Variants in RPL3L observed in about 807,000 individuals in gnomAD.
RPL3L encodes ribosomal protein uL3-like.
RPL3L carries 44 observed loss-of-function variants against 44.5 expected under a neutral mutation model. The ratio of observed to expected loss-of-function variants is 0.99; its 90% CI spans 0.78 to 1.27. The LOEUF (loss-of-function observed/expected upper bound fraction) is 1.27, where lower values mean the gene tolerates loss of function less well. Among genes scored for constraint, RPL3L ranks in the 50% most tolerant of loss-of-function variants. RPL3L has a pLI of 0.00. For missense variants in RPL3L, 631 were observed against 569.1 expected (o/e 1.11, Z -1.11); for synonymous variants, 292 against 230.7 (o/e 1.27, Z -2.41).
At chr16:1,953,368 C>G (rs1349658609) in intron 2 of RPL3L, among the ~76,000 whole-genome samples, 1 of 152,228 alleles carries the variant, frequency 6.6e-6, no homozygotes, top group African/African-American at 2.4e-5. Context: ...TACAGGCACT[C>G]GCCACAACGC....
Position 1,947,240 on chromosome 16 carries a change from A to ACTC in RPL3L, c.639_641dup (p.Gln213_Ser214insArg), listed in dbSNP as rs757990327. Reference sequence around the variant, plus strand: ...TGACAGCAATGACATCAATGACCTCACTCTGGCTGAACACGCTGTGCACGG... The same window carrying ACTC: ...TGACAGCAATGACATCAATGACCTCACTCCTCTGGCTGAACACGCTGTGCACGG... On this transcript the variant is annotated inframe_insertion, in exon 5 of 10. Transcript: ENST00000268661. The ACTC allele has an allele frequency of 1.9e-6, 3 of 1,612,306 alleles. No individual in the cohort carries two copies. Among genetic ancestry groups the ACTC allele is most frequent in the Non-Finnish European group, 2.5e-6 (3 of 1,179,336 alleles).
In RPL3L at chr16:1,945,938, G is replaced by A. The variant is rs2083118076; in HGVS notation, c.952-8C>T. 3 of 1,606,200 alleles carry A rather than the reference G, an allele frequency of 1.9e-6. No homozygotes were observed. The highest frequency in any genetic ancestry group is 2.6e-6 in the Non-Finnish European group (3 of 1,176,180). On this transcript the variant is annotated splice_polypyrimidine_tract_variant and splice_region_variant and intron_variant, in intron 7 of 9. Coordinates refer to ENST00000268661, the MANE Select transcript of RPL3L (RefSeq NM_005061.3). Reference sequence around the variant, plus strand: ...GTAGTGGGGGAAGCCACCCTGCAGAGGACACAGGTCAGAGGCCAGGCCCGG... The same window carrying A: ...GTAGTGGGGGAAGCCACCCTGCAGAAGACACAGGTCAGAGGCCAGGCCCGG...
Position 1,953,110 on chromosome 16 carries a change from G to A in RPL3L, c.197-68C>T. ...AGGCCTGTGGGGGAGGGAGTGGAGA[G>A]CCGCCCACATAGGGGCAGGACAGGA... On this transcript the variant is annotated intron_variant, in intron 2 of 9. Transcript: ENST00000268661. The A allele has an allele frequency of 5.3e-6, 8 of 1,508,444 alleles. No individual in the cohort carries two copies. The East Asian group carries it at 1.6e-4, about 30-fold the overall frequency. The allele number at this position is 1,508,444 out of a possible 1,614,324, so 93.4% of individuals were successfully genotyped here.
Position 1,947,012 on chromosome 16 carries a change from G to A in RPL3L, c.775C>T (p.Pro259Ser), listed in dbSNP as rs772598970. 1.2e-6 allele frequency: 2 copies of A among 1,612,198 alleles called. No homozygotes were observed. Among genetic ancestry groups the A allele is most frequent in the South Asian group, 2.2e-5 (2 of 91,052 alleles). ...GCAATGGAGCAGCCCACGCGGGCGG[G>A]GTGCCAGGCGCCAATGCAGGCCACC... ...RKVACIGAWH[P>S]ARVGCSIARA... The change falls in exon 6 of 10, where the codon CCC becomes TCC. Residue 259 changes from proline to serine, a missense_variant. Coordinates refer to ENST00000268661, the MANE Select transcript of RPL3L (RefSeq NM_005061.3).
rs1273521403 is a variant in RPL3L at position 1,945,479 on chromosome 16, G to A, written c.1167+20C>T. 6 of 1,599,560 alleles carry A rather than the reference G, an allele frequency of 3.8e-6. No homozygotes were observed. The South Asian group carries it at 4.5e-5, about 12-fold the overall frequency. ...AGCTGGAGCCCCAGAGAAGAACAAG[G>A]ATGGGGGCGGTGAGCTCACCATGAA... On this transcript the variant is annotated intron_variant, in intron 9 of 9. Transcript: ENST00000268661.
In RPL3L at chr16:1,948,829, C is replaced by T. The variant is rs376508707; in HGVS notation, c.502-1449G>A. On this transcript the variant is annotated intron_variant, in intron 4 of 9. Coordinates refer to ENST00000268661, the MANE Select transcript of RPL3L (RefSeq NM_005061.3). Reference sequence around the variant, plus strand: ...CTCCTGGGTTCACGCCATTCTCCTACCTCAGCCTCCCGAGTAGCTGGGACT... The same window carrying T: ...CTCCTGGGTTCACGCCATTCTCCTATCTCAGCCTCCCGAGTAGCTGGGACT... Among the ~76,000 whole-genome samples, 80 of 152,204 alleles carry T rather than the reference C, an allele frequency of 5.3e-4. No homozygotes were observed. The South Asian group carries it at 0.016, about 31-fold the overall frequency.
Position 1,950,885 on chromosome 16 carries a change from T to C in RPL3L, c.460A>G (p.Lys154Glu). Residue 154 changes from lysine (K) to glutamate (E), a missense_variant, in exon 4 of 10, where the codon AAG becomes GAG. Coordinates refer to ENST00000268661, the MANE Select transcript of RPL3L (RefSeq NM_005061.3). ...KQLQKDFAAM[K>E]KYCKVIRVIV... is the part of the protein sequence containing the mutation. Reference sequence around the variant, plus strand: ...ACCCGAATGACCTTGCAGTACTTCTTCATGGCGGCGAAGTCCTTCTGTAGC... The same window carrying C: ...ACCCGAATGACCTTGCAGTACTTCTCCATGGCGGCGAAGTCCTTCTGTAGC... 6.2e-7 allele frequency: 1 copy of C among 1,614,064 alleles called. No homozygotes were observed. Among genetic ancestry groups the C allele is most frequent in the Non-Finnish European group, 8.5e-7 (1 of 1,179,968 alleles).
chr16:1,948,816 C>T (rs184642376), intron 4 of RPL3L, among the ~76,000 whole-genome samples: 9 of 151,766 alleles, frequency 5.9e-5, no homozygotes, highest in African/African-American at 1.2e-4. Flanking sequence ...CCTGGGTTCA[C>T]GCCATTCTCC....
chr16:1,948,380 T>G (rs1349665454), intron 4 of RPL3L, among the ~76,000 whole-genome samples: 1 of 151,880 alleles, frequency 6.6e-6, no homozygotes, highest in African/African-American at 2.4e-5. Context: ...TGTGCCACCA[T>G]GCCCGGCTAA....
chr16:1,950,786 C>A, intron 4 of RPL3L, 58 bp downstream of exon 4: 1 of 1,611,478 alleles, frequency 6.2e-7, no homozygotes, highest in Middle Eastern at 1.7e-4. Flanking sequence ...CTCCTGGAAG[C>A]TGGGGTGAGG....
intron 9 of RPL3L, 82 bp downstream of exon 9, chr16:1,945,417 C>A (rs2083113632): frequency 6.6e-7 from 1 of 1,519,126 alleles, no homozygotes; most frequent in Non-Finnish European, 8.9e-7. Context: ...GGAGTCCCTG[C>A]CAGCTCCAGC....
chr16:1,946,037 C>T, intron 7 of RPL3L, 107 bp from the exon 8 acceptor site: 1 of 915,662 alleles, frequency 1.1e-6, no homozygotes, highest in South Asian at 1.6e-5. Context: ...AGGCAGGAGC[C>T]CCGTGCCCAG....
At position 1,950,917 on chromosome 16, in the gene RPL3L, T is replaced by A; in HGVS notation, c.428A>T (p.Lys143Ile). 6.2e-7 allele frequency: 1 copy of A among 1,614,070 alleles called. No homozygotes were observed. Among genetic ancestry groups the A allele is most frequent in the East Asian group, 2.2e-5 (1 of 44,882 alleles). The change falls in exon 4 of 10, where the codon AAA (lysine) becomes ATA (isoleucine). Residue 143 changes from lysine (K) to isoleucine (I), a missense_variant. By Grantham distance (102) the Lys-to-Ile change is moderately radical. Transcript: ENST00000268661. ...GGCGAAGTCCTTCTGTAGCTGCTTT[T>A]TCCCGTCTGTGTCCCGCCACCTCTT... ...ACKRWRDTDG[K>I]KQLQKDFAAM...
At chr16:1,944,959 C>T in intron 9 of RPL3L, 66 bp from the exon 10 acceptor site, 1 of 1,606,466 alleles carries the variant, frequency 6.2e-7, no homozygotes, top group South Asian at 1.1e-5. Flanking sequence ...CTCCCCCAGC[C>T]AGGCTCTAGA....
intron 1 of RPL3L, 130 bp from the exon 2 acceptor site, chr16:1,954,278 G>T: frequency 2.9e-6 from 3 of 1,027,350 alleles, no homozygotes; most frequent in African/African-American, 1.7e-5. Flanking sequence ...CACCTCCCCT[G>T]TCTGCCTACA....
rs1416382389 is a variant in RPL3L at position 1,946,605 on chromosome 16, T to C, written c.951+20A>G. Reference sequence around the variant, plus strand: ...ATCAGCGGTGTGATGGGCCTGGCAGTCGCCCCCTCCCAGCCTCACCAGCGG... The same window carrying C: ...ATCAGCGGTGTGATGGGCCTGGCAGCCGCCCCCTCCCAGCCTCACCAGCGG... On this transcript the variant is annotated intron_variant, in intron 7 of 9. Transcript: ENST00000268661. The C allele has an allele frequency of 8.7e-6, 14 of 1,606,858 alleles. No homozygotes were observed. The highest frequency in any genetic ancestry group is 1.3e-5 in the African/African-American group (1 of 74,868).
intron 4 of RPL3L, among the ~76,000 whole-genome samples, chr16:1,947,938 ATTTTTTTTTTT>A (rs1158555053): frequency 1.1e-4 from 12 of 109,998 alleles, no homozygotes; most frequent in African/African-American, 4.3e-4. Context: ...ATCTGATTGG[ATTTTTTTTTTT>A]TTTTTTTTTT....
rs942913732 is a variant in RPL3L, at chr16:1,948,189, A to G, written c.502-809T>C. Among the ~76,000 whole-genome samples the G allele has an allele frequency of 6.6e-5, 10 of 150,904 alleles. No individual in the cohort carries two copies. The Middle Eastern group carries it at 0.011, about 162-fold the overall frequency. Reference sequence around the variant, plus strand: ...CCTGACCTCATGATCCGCCCGCCTCAGCCTCCCAAAGTGCTGGGATTACAG... The same window carrying G: ...CCTGACCTCATGATCCGCCCGCCTCGGCCTCCCAAAGTGCTGGGATTACAG... On this transcript the variant is annotated intron_variant, in intron 4 of 9. Transcript: ENST00000268661.
rs1297644620 is a variant in RPL3L at position 1,945,363 on chromosome 16, AAATAAAT to A, written c.1167+129_1167+135del. On this transcript the variant is annotated intron_variant, in intron 9 of 9. Coordinates refer to ENST00000268661, the MANE Select transcript of RPL3L (RefSeq NM_005061.3). ...GAGCGAGACTCCATCTCAAAAAATAAAATAAATAAAAAAAAAAGAGTCTCTCCTGCAG... is the reference window on the plus strand; with the variant it reads ...GAGCGAGACTCCATCTCAAAAAATAAAAAAAAAAAAGAGTCTCTCCTGCAG... The A allele has an allele frequency of 9.9e-4, 853 of 862,636 alleles. 22 individuals carry two copies. The highest frequency in any genetic ancestry group is 1.5e-3 in the South Asian group (70 of 45,584). The allele number at this position is 862,636 out of a possible 1,614,324, so 53.4% of individuals were successfully genotyped here.
Sources: allele counts gnomAD v4.1 joint callset (sites outside exome capture counted in the v4.1 genomes callset), GRCh38; gene constraint gnomAD v4.1.1; transcripts MANE v1.5; gene names NCBI Gene and HGNC (gene_info 2026-07-23, HGNC 2026-07-21).